LRMDA: variants seen among roughly 807,000 people sequenced by gnomAD.
LRMDA encodes the protein leucine rich melanocyte differentiation associated.
Under a neutral mutation model 29.8 loss-of-function variants are expected in LRMDA, and 18 were observed. That is an observed-to-expected ratio of 0.60 (90% CI 0.42 to 0.90). The LOEUF is 0.90. LRMDA is among the 40% of genes least tolerant of loss of function. LRMDA has a pLI of 0.00. For synonymous variants in LRMDA, 125 were observed against 109.4 expected (o/e 1.14, Z -0.89); for missense variants, 273 against 273.9 (o/e 1.00, Z 0.02).
intron 5 of LRMDA, among the ~76,000 whole-genome samples, chr10:76,263,774 G>A (rs1369369407): frequency 6.6e-6 from 1 of 152,190 alleles, no homozygotes; most frequent in Admixed American, 6.5e-5. Flanking sequence ...ATTGATTTTG[G>A]TGATAGGTGA....
intron 5 of LRMDA, among the ~76,000 whole-genome samples, chr10:76,206,040 G>A (rs944219834): frequency 1.3e-5 from 2 of 152,160 alleles, no homozygotes; most frequent in Non-Finnish European, 2.9e-5. Context: ...CCACTGGGAC[G>A]ATGAAAGGCA....
intron 2 of LRMDA, among the ~76,000 whole-genome samples, chr10:75,506,086 A>G (rs1230078908): frequency 6.6e-6 from 1 of 152,184 alleles, no homozygotes; most frequent in Non-Finnish European, 1.5e-5. Flanking sequence ...GCAGAAGTCA[A>G]TGAACCATAA....
intron 2 of LRMDA, among the ~76,000 whole-genome samples, chr10:75,749,709 G>A (rs1219094673): frequency 6.6e-6 from 1 of 151,652 alleles, no homozygotes; most frequent in Non-Finnish European, 1.5e-5. Context: ...GGACAATAGT[G>A]GAGGGAAGGT....
intron 2 of LRMDA, among the ~76,000 whole-genome samples, chr10:75,687,124 A>G (rs951907080): frequency 1.3e-5 from 2 of 152,114 alleles, no homozygotes; most frequent in Non-Finnish European, 1.5e-5. Context: ...GCAATTAATG[A>G]CCCTGCAATT....
chr10:75,685,663 A>G (rs1293725324), intron 2 of LRMDA, among the ~76,000 whole-genome samples: 1 of 152,252 alleles, frequency 6.6e-6, no homozygotes, highest in African/African-American at 2.4e-5. Flanking sequence ...AAAGAGATAC[A>G]TAAATAATTT....
chr10:75,780,341 C>T (rs1168786083), intron 2 of LRMDA, among the ~76,000 whole-genome samples: 2 of 152,136 alleles, frequency 1.3e-5, no homozygotes, highest in East Asian at 1.9e-4. Flanking sequence ...CAAATGTTGC[C>T]ATCTGTGTGC....
At chr10:75,775,115 G>T (rs1843294057) in intron 2 of LRMDA, among the ~76,000 whole-genome samples, 1 of 152,222 alleles carries the variant, frequency 6.6e-6, no homozygotes. Flanking sequence ...GGGCCTTCCT[G>T]AGAGGGGCCT....
intron 6 of LRMDA, among the ~76,000 whole-genome samples, chr10:76,426,527 A>G (rs1013079307): frequency 2.0e-5 from 3 of 152,174 alleles, no homozygotes; most frequent in Non-Finnish European, 4.4e-5. Context: ...AGTAGATTGC[A>G]AAAATTTTCT....
chr10:76,136,227 A>C (rs1850091758), intron 5 of LRMDA, among the ~76,000 whole-genome samples: 1 of 152,188 alleles, frequency 6.6e-6, no homozygotes, highest in Non-Finnish European at 1.5e-5. Context: ...TTTTAGCAAA[A>C]AAGGCTTTCT....
At chr10:76,242,693 G>C (rs947796275) in intron 5 of LRMDA, among the ~76,000 whole-genome samples, 4 of 152,146 alleles carry the variant, frequency 2.6e-5, no homozygotes, top group African/African-American at 7.2e-5. Context: ...CATTACATCT[G>C]CAATGTCTTT....
rs532866529 is a variant in LRMDA, at chr10:76,264,292, A to C, written c.517-60109A>C. Among the ~76,000 whole-genome samples, 143 of 151,804 alleles carry C rather than the reference A, an allele frequency of 9.4e-4. 1 individual carries two copies. Among genetic ancestry groups the C allele is most frequent in the African/African-American group, 3.3e-3 (136 of 41,392 alleles). The stretch of plus-strand genomic sequence containing the variant: ...GTACATGCCTGTAGTCTGTAGTCCC[A>C]GCTACTTGGGAGGCTGAGGCATGAG... On this transcript the variant is annotated intron_variant, in intron 5 of 6. Transcript: ENST00000611255.
intron 2 of LRMDA, among the ~76,000 whole-genome samples, chr10:75,647,077 C>T (rs960692855): frequency 3.2e-5 from 1 of 30,910 alleles, no homozygotes; most frequent in African/African-American, 4.2e-5. Flanking sequence ...ATGGAGCTTG[C>T]CCAACGCTGC....
chr10:75,733,838 T>C (rs1444086669), intron 2 of LRMDA, among the ~76,000 whole-genome samples: 1 of 152,200 alleles, frequency 6.6e-6, no homozygotes. Flanking sequence ...ATGACAGTTA[T>C]CTGCATAACA....
intron 2 of LRMDA, among the ~76,000 whole-genome samples, chr10:75,610,212 A>G (rs1178606312): frequency 1.3e-5 from 2 of 152,174 alleles, no homozygotes; most frequent in East Asian, 3.8e-4. Flanking sequence ...AACTGTCACC[A>G]CTATTTAGTT....
intron 6 of LRMDA, among the ~76,000 whole-genome samples, chr10:76,434,943 G>A (rs1046140010): frequency 6.6e-6 from 1 of 152,150 alleles, no homozygotes; most frequent in Non-Finnish European, 1.5e-5. Flanking sequence ...TGTGTTAGGA[G>A]TTGGGTTTAC....
chr10:75,958,158 G>A (rs1174934440), intron 2 of LRMDA, among the ~76,000 whole-genome samples: 2 of 152,176 alleles, frequency 1.3e-5, no homozygotes, highest in Non-Finnish European at 2.9e-5. Context: ...AGGATGGGAG[G>A]AGGAGGGTGG....
chr10:75,821,061 T>C (rs1278429413), intron 2 of LRMDA, among the ~76,000 whole-genome samples: 3 of 152,200 alleles, frequency 2.0e-5, no homozygotes, highest in Non-Finnish European at 4.4e-5. Context: ...CCAGATGGGT[T>C]CATAGCCGAA....
At chr10:76,467,190 A>G (rs1341545676) in intron 6 of LRMDA, among the ~76,000 whole-genome samples, 2 of 152,234 alleles carry the variant, frequency 1.3e-5, no homozygotes, top group East Asian at 3.8e-4. Context: ...AACGTGAATT[A>G]AGTGTGGCTT....
chr10:75,617,642 C>T (rs570501599), intron 2 of LRMDA, among the ~76,000 whole-genome samples: 1 of 152,324 alleles, frequency 6.6e-6, no homozygotes, highest in South Asian at 2.1e-4. Context: ...TCTGTCTACA[C>T]ACTCTGCTCC....
Sources: allele counts gnomAD v4.1 joint callset (sites outside exome capture counted in the v4.1 genomes callset), GRCh38; gene constraint gnomAD v4.1.1; transcripts MANE v1.5; gene names NCBI Gene and HGNC (gene_info 2026-07-23, HGNC 2026-07-21).